LRRC4C: variants seen among roughly 807,000 people sequenced by gnomAD.
The protein encoded by LRRC4C is leucine-rich repeat-containing protein 4C.
In LRRC4C, 5 loss-of-function variants were observed where a neutral mutation model predicts 33.6. That is an observed-to-expected ratio of 0.15 (90% CI 0.08 to 0.31). The LOEUF (loss-of-function observed/expected upper bound fraction) is 0.31. Ranked by LOEUF, LRRC4C falls within the 10% of genes least tolerant of loss-of-function variation. The pLI, the probability that LRRC4C is intolerant of heterozygous loss-of-function variation, is 1.00. For missense variants in LRRC4C, 560 were observed against 796.7 expected (o/e 0.70, Z 3.58); for synonymous variants, 329 against 302.0 (o/e 1.09, Z -0.93).
intron 3 of LRRC4C, among the ~76,000 whole-genome samples, chr11:40,373,353 A>C (rs2137277695): frequency 6.6e-6 from 1 of 152,332 alleles, no homozygotes; most frequent in East Asian, 1.9e-4. Context: ...TTCTGTTTAT[A>C]AAAAATATCA....
chr11:40,821,396 T>C (rs1212546492), intron 2 of LRRC4C, among the ~76,000 whole-genome samples: 1 of 151,656 alleles, frequency 6.6e-6, no homozygotes, highest in Non-Finnish European at 1.5e-5. Context: ...CGGAATTTAA[T>C]ATAAAGCCAC....
chr11:40,807,649 T>C (rs547021312), intron 2 of LRRC4C, among the ~76,000 whole-genome samples: 3 of 152,348 alleles, frequency 2.0e-5, no homozygotes, highest in South Asian at 2.1e-4. Context: ...ACTATGAAAC[T>C]AGCAGGCATT....
At chr11:40,283,450 A>C (rs957963494) in intron 4 of LRRC4C, among the ~76,000 whole-genome samples, 9 of 152,286 alleles carry the variant, frequency 5.9e-5, no homozygotes, top group African/African-American at 2.2e-4. Flanking sequence ...ATGTTTTATT[A>C]TGCAAAGTAG....
chr11:40,171,571 A>AT (rs1053811661), intron 5 of LRRC4C, among the ~76,000 whole-genome samples: 11 of 151,488 alleles, frequency 7.3e-5, no homozygotes, highest in African/African-American at 2.7e-4. Flanking sequence ...CATATACCAC[A>AT]TAAAAAAGGG....
intron 3 of LRRC4C, among the ~76,000 whole-genome samples, chr11:40,430,265 G>A (rs181725830): frequency 1.4e-5 from 2 of 145,218 alleles, no homozygotes; most frequent in Admixed American, 7.0e-5. Flanking sequence ...GCACGTATGG[G>A]GGGGGTTGCT....
At chr11:40,938,415 G>C (rs900989914) in intron 1 of LRRC4C, among the ~76,000 whole-genome samples, 10 of 152,106 alleles carry the variant, frequency 6.6e-5, no homozygotes, top group Admixed American at 5.2e-4. Flanking sequence ...ACACCAAGTA[G>C]AGACATTGTA....
intron 2 of LRRC4C, among the ~76,000 whole-genome samples, chr11:40,733,334 C>G (rs1052634600): frequency 2.0e-5 from 3 of 151,974 alleles, no homozygotes; most frequent in African/African-American, 7.3e-5. Context: ...CTCGGCCTCC[C>G]AAAGTGCTGG....
intron 3 of LRRC4C, among the ~76,000 whole-genome samples, chr11:40,574,873 G>A (rs1046586884): frequency 6.6e-6 from 1 of 152,122 alleles, no homozygotes; most frequent in Non-Finnish European, 1.5e-5. Flanking sequence ...ACTGATATGA[G>A]CACATAGTAG....
intron 3 of LRRC4C, among the ~76,000 whole-genome samples, chr11:40,602,845 G>T (rs554583892): frequency 6.6e-6 from 1 of 152,074 alleles, no homozygotes; most frequent in African/African-American, 2.4e-5. Flanking sequence ...ACTTCACCAC[G>T]TATCTGCCTC....
chr11:40,376,104 A>C (rs1948649517), intron 3 of LRRC4C, among the ~76,000 whole-genome samples: 1 of 152,222 alleles, frequency 6.6e-6, no homozygotes, highest in Non-Finnish European at 1.5e-5. Flanking sequence ...ATATAAGAAG[A>C]AATATAATAT....
chr11:40,312,686 T>C (rs1488502252), intron 4 of LRRC4C, among the ~76,000 whole-genome samples: 2 of 152,192 alleles, frequency 1.3e-5, no homozygotes, highest in African/African-American at 4.8e-5. Context: ...TTTAGTCTTA[T>C]TTGCAAAAGG....
intron 1 of LRRC4C, among the ~76,000 whole-genome samples, chr11:40,992,435 T>G (rs931886975): frequency 2.7e-4 from 15 of 54,762 alleles, no homozygotes; most frequent in East Asian, 8.3e-4. Context: ...ACAAAAGTGG[T>G]TTTTTTTTTT....
chr11:40,396,083 C>G (rs1201532305), intron 3 of LRRC4C, among the ~76,000 whole-genome samples: 1 of 152,078 alleles, frequency 6.6e-6, no homozygotes, highest in Non-Finnish European at 1.5e-5. Context: ...GGATGCAATG[C>G]CATGTTTTTA....
intron 5 of LRRC4C, among the ~76,000 whole-genome samples, chr11:40,178,067 G>T (rs1860662941): frequency 6.6e-6 from 1 of 152,132 alleles, no homozygotes; most frequent in Non-Finnish European, 1.5e-5. Context: ...AGAGTATAGG[G>T]CTCTATCAGC....
intron 1 of LRRC4C, among the ~76,000 whole-genome samples, chr11:41,204,371 T>C (rs1946515045): frequency 6.6e-6 from 1 of 152,218 alleles, no homozygotes; most frequent in African/African-American, 2.4e-5. Flanking sequence ...AGTTAACCTC[T>C]TGGGTGTGGT....
chr11:40,438,648 C>T (rs1951247868), intron 3 of LRRC4C, among the ~76,000 whole-genome samples: 2 of 152,162 alleles, frequency 1.3e-5, no homozygotes, highest in South Asian at 4.1e-4. Flanking sequence ...TTTATATATT[C>T]TTTGTGTGCT....
intron 2 of LRRC4C, among the ~76,000 whole-genome samples, chr11:40,812,285 C>T (rs1951522678): frequency 6.6e-6 from 1 of 151,862 alleles, no homozygotes; most frequent in Admixed American, 6.6e-5. Context: ...TAGCAACTCT[C>T]ACTTGTTATG....
chr11:41,338,590 G>T (rs1045506536), intron 1 of LRRC4C, among the ~76,000 whole-genome samples: 18 of 151,986 alleles, frequency 1.2e-4, no homozygotes, highest in African/African-American at 4.3e-4. Flanking sequence ...TAACACATAT[G>T]GTGCTTAAAA....
chr11:40,498,947 A>G (rs1005617754), intron 3 of LRRC4C, among the ~76,000 whole-genome samples: 1 of 152,192 alleles, frequency 6.6e-6, no homozygotes, highest in Non-Finnish European at 1.5e-5. Context: ...AAACGTTGAG[A>G]TGATAGAAGA....
Sources: gnomAD v4.1 joint callset for allele counts (sites outside exome capture counted in the v4.1 genomes callset) on GRCh38, gnomAD v4.1.1 for gene constraint, MANE v1.5 for transcripts, NCBI Gene and HGNC (gene_info 2026-07-23, HGNC 2026-07-21) for gene names.